The following KIF24 variants were observed in gnomAD, a reference collection of about 807,000 sequenced individuals.
KIF24 encodes the protein kinesin-like protein KIF24.
In KIF24, 81 loss-of-function variants were observed where a neutral mutation model predicts 118.9. The ratio of observed to expected loss-of-function variants is 0.68; its 90% CI spans 0.57 to 0.82. KIF24 has a LOEUF of 0.82. Among genes scored for constraint, KIF24 ranks in the 40% least tolerant of loss-of-function variants. KIF24 has a pLI of 0.00. For missense variants in KIF24, 1,560 were observed against 1,661.6 expected (o/e 0.94, Z 1.06); for synonymous variants, 599 against 610.0 (o/e 0.98, Z 0.27).
intron 1 of KIF24, among the ~76,000 whole-genome samples, chr9:34,320,689 A>G (rs1204873909): frequency 6.6e-6 from 1 of 151,712 alleles, no homozygotes; most frequent in Admixed American, 6.6e-5. Context: ...AAAGGAAAAA[A>G]AGAAAAAGGC....
chr9:34,318,336 C>G lies in KIF24; in HGVS notation c.-25-6965G>C. On this transcript the variant is annotated intron_variant, in intron 1 of 12. Coordinates refer to ENST00000402558, the MANE Select transcript of KIF24 (RefSeq NM_194313.4). The surrounding 1 kb of genome is among the most constrained non-coding windows in gnomAD (Gnocchi z 4.9). ...CCGTCTTGGAGCCAGCCCAGCCCAACCCAGCCCAACCCAGCTTGACCTAGC... is the reference window on the plus strand; with the variant it reads ...CCGTCTTGGAGCCAGCCCAGCCCAAGCCAGCCCAACCCAGCTTGACCTAGC... 4.5e-6 allele frequency: 2 copies of G among 440,936 alleles called. No homozygotes were observed. The highest frequency in any genetic ancestry group is 8.8e-6 in the Non-Finnish European group (2 of 228,318). The allele number at this position is 440,936 out of a possible 1,614,324, so 27.3% of individuals were successfully genotyped here.
At chr9:34,311,737 T>TATAC (rs1563961599) in intron 1 of KIF24, among the ~76,000 whole-genome samples, 1 of 147,146 alleles carries the variant, frequency 6.8e-6, no homozygotes, top group East Asian at 2.0e-4. Context: ...CGTATATATA[T>TATAC]ACATATATAC....
At chr9:34,291,439 C>T (rs552633157) in intron 4 of KIF24, among the ~76,000 whole-genome samples, 2 of 152,212 alleles carry the variant, frequency 1.3e-5, no homozygotes, top group Non-Finnish European at 2.9e-5. Flanking sequence ...CCTCAGTTTT[C>T]ACTTTTATCA....
intron 1 of KIF24, among the ~76,000 whole-genome samples, chr9:34,325,513 T>G (rs980113083): frequency 6.6e-6 from 1 of 151,840 alleles, no homozygotes; most frequent in Non-Finnish European, 1.5e-5. Flanking sequence ...GTCAACATGG[T>G]GAAACCCCAT....
intron 6 of KIF24, among the ~76,000 whole-genome samples, chr9:34,284,559 A>G (rs1398636292): frequency 6.6e-6 from 1 of 152,256 alleles, no homozygotes; most frequent in Non-Finnish European, 1.5e-5. Flanking sequence ...ACTGAAAAGC[A>G]TAATATTGAG....
intron 1 of KIF24, among the ~76,000 whole-genome samples, chr9:34,320,180 C>A (rs935762940): frequency 6.6e-6 from 1 of 152,088 alleles, no homozygotes; most frequent in Admixed American, 6.6e-5. Flanking sequence ...GGCTTCTGGG[C>A]AGACTCTGGT....
chr9:34,289,068 A>G (rs1243233075), intron 5 of KIF24, among the ~76,000 whole-genome samples: 1 of 152,188 alleles, frequency 6.6e-6, no homozygotes, highest in Admixed American at 6.5e-5. Flanking sequence ...AAGCATCCCC[A>G]GAGTAGCACC....
chr9:34,329,525 T>A (rs770069948), upstream of KIF24: 7 of 152,258 alleles, frequency 4.6e-5, no homozygotes, highest in South Asian at 2.1e-4. Flanking sequence ...GGCCCAAGCG[T>A]AACCAGGCTC....
In KIF24 at chr9:34,256,520, G is replaced by C. The variant is rs749016347; in HGVS notation, c.3087C>G (p.Val1029=). 2 of 1,613,920 alleles carry C rather than the reference G, an allele frequency of 1.2e-6. No individual in the cohort carries two copies. Among genetic ancestry groups the C allele is most frequent in the East Asian group, 2.2e-5 (1 of 44,868 alleles). ...ACTGCCCCCTAGGATCCTCTCCTGGGACAGCATGACCGTTTTTCACAGTGC... is the reference window on the plus strand; with the variant it reads ...ACTGCCCCCTAGGATCCTCTCCTGGCACAGCATGACCGTTTTTCACAGTGC... ...VTSTVKNGHA[V]PGEDPRGQLG... Residue 1029 remains valine, a synonymous_variant, in exon 11 of 13, where the codon GTC becomes GTG. Transcript: ENST00000402558.
chr9:34,268,300 G>GT (rs1237636923), intron 8 of KIF24, among the ~76,000 whole-genome samples: 1 of 149,246 alleles, frequency 6.7e-6, no homozygotes, highest in African/African-American at 2.5e-5. Context: ...AGTAGCTGGG[G>GT]TTGTAACAGC....
At chr9:34,276,517 AAGTTGAC>A (rs1934511052) in intron 6 of KIF24, among the ~76,000 whole-genome samples, 1 of 152,184 alleles carries the variant, frequency 6.6e-6, no homozygotes. Context: ...AAGAATCCAA[AAGTTGAC>A]AGAGCCAAAC....
chr9:34,293,153 A>T (rs1288651501), intron 4 of KIF24, among the ~76,000 whole-genome samples: 4 of 152,182 alleles, frequency 2.6e-5, no homozygotes, highest in Non-Finnish European at 5.9e-5. Flanking sequence ...GCACAAAAAA[A>T]TGGGCAAATG....
intron 8 of KIF24, among the ~76,000 whole-genome samples, chr9:34,267,843 C>T (rs903357830): frequency 1.3e-5 from 2 of 152,124 alleles, no homozygotes; most frequent in Non-Finnish European, 2.9e-5. Flanking sequence ...AGCCACCTGA[C>T]AGGAAACATA....
chr9:34,307,930 AT>A (rs1182591938), intron 2 of KIF24, among the ~76,000 whole-genome samples: 1 of 151,094 alleles, frequency 6.6e-6, no homozygotes, highest in African/African-American at 2.4e-5. Flanking sequence ...TCAGTGTTCT[AT>A]TTTTTTCTTC....
chr9:34,290,446 C>A, intron 4 of KIF24, 57 bp from the exon 5 acceptor site: 3 of 1,128,532 alleles, frequency 2.7e-6, no homozygotes, highest in South Asian at 2.9e-5. Context: ...TTAGTTTACC[C>A]ATAGATTTTT....
intron 1 of KIF24, chr9:34,319,310 TCTC>T (rs1260911195): frequency 1.0e-6 from 1 of 952,732 alleles, no homozygotes; most frequent in Non-Finnish European, 1.7e-6. Flanking sequence ...CCTGTCGCCA[TCTC>T]CTTGCCCAAG....
At position 34,259,655 on chromosome 9, in the gene KIF24, G is replaced by A; in HGVS notation, c.1566C>T (p.Asn522=). ...IGNAKTCMIA[N]ISPSHVATEH... ...CAGTGGCCACGTGGCTTGGTGAGAT[G>A]TTGGCGATCATGCAGGTTTTGGCAT... Residue 522 remains asparagine, a synonymous_variant, in exon 10 of 13, where the codon AAC becomes AAT. Transcript: ENST00000402558. 6.2e-7 allele frequency: 1 copy of A among 1,614,006 alleles called. No homozygotes were observed. The highest frequency in any genetic ancestry group is 8.5e-7 in the Non-Finnish European group (1 of 1,179,866).
At chr9:34,264,139 G>C (rs963743062) in intron 8 of KIF24, among the ~76,000 whole-genome samples, 1 of 151,906 alleles carries the variant, frequency 6.6e-6, no homozygotes, top group African/African-American at 2.4e-5. Context: ...AAAAGAAAAG[G>C]AGCTGGGTGC....
chr9:34,280,831 A>G (rs550856420), intron 6 of KIF24, among the ~76,000 whole-genome samples: 134 of 152,314 alleles, frequency 8.8e-4, no homozygotes, highest in African/African-American at 3.0e-3. Context: ...ACTTAGAAAA[A>G]GATATATACC....
Sources: allele counts gnomAD v4.1 joint callset (sites outside exome capture counted in the v4.1 genomes callset), GRCh38; gene constraint gnomAD v4.1.1; non-coding constraint Gnocchi (gnomAD v3.1); transcripts MANE v1.5; gene names NCBI Gene and HGNC (gene_info 2026-07-23, HGNC 2026-07-21).